The following ROBO2 variants were observed in gnomAD, a reference collection of about 807,000 sequenced individuals.
ROBO2 encodes roundabout homolog 2.
In ROBO2, 53 loss-of-function variants were observed where a neutral mutation model predicts 160.8. The ratio of observed to expected loss-of-function variants is 0.33; its 90% CI spans 0.26 to 0.41. The LOEUF (loss-of-function observed/expected upper bound fraction) is 0.41. ROBO2 is among the 10% of genes least tolerant of loss of function. The pLI is 1.00. For missense variants in ROBO2, 1,577 were observed against 1,722.4 expected (o/e 0.92, Z 1.49); for synonymous variants, 664 against 611.7 (o/e 1.09, Z -1.26).
chr3:76,201,377 T>C (rs1702519283), intron 2 of ROBO2, among the ~76,000 whole-genome samples: 1 of 152,174 alleles, frequency 6.6e-6, no homozygotes, highest in Admixed American at 6.5e-5. Context: ...TTGAACTCCA[T>C]TGCATTACAT....
Position 76,141,076 on chromosome 3 carries a change from T to TAA in ROBO2, c.109+203477_109+203478dup, listed in dbSNP as rs201283156. 3.6e-4 allele frequency among the ~76,000 whole-genome samples: 41 copies of TAA among 114,128 alleles called. 2 individuals carry two copies. In the Middle Eastern group the frequency reaches 0.013, roughly 35 times the overall value. The allele number at this position is 114,128 out of a possible 152,430, so 74.9% of individuals were successfully genotyped here. Reference sequence around the variant, plus strand: ...TTTTACATACATATATATATATATATAAAATATATGTGCCTGGGTTTATAG... The same window carrying TAA: ...TTTTACATACATATATATATATATATAAAAAATATATGTGCCTGGGTTTATAG... On this transcript the variant is annotated intron_variant, in intron 2 of 26. Coordinates refer to the ROBO2 transcript ENST00000487694.
At chr3:76,032,179 A>G (rs2066944963) in intron 2 of ROBO2, among the ~76,000 whole-genome samples, 1 of 152,024 alleles carries the variant, frequency 6.6e-6, no homozygotes, top group Non-Finnish European at 1.5e-5. Context: ...GGTAGTTTGT[A>G]TTTCTGTGGG....
exon 23 of ROBO2, chr3:77,622,316 A>G: frequency 6.2e-7 from 1 of 1,614,082 alleles, no homozygotes; most frequent in Non-Finnish European, 8.5e-7. Context: ...TTGGAAACGG[A>G]TGTTGCAGAT....
intron 2 of ROBO2, among the ~76,000 whole-genome samples, chr3:76,113,659 G>A (rs2070339305): frequency 6.6e-6 from 1 of 152,082 alleles, no homozygotes; most frequent in African/African-American, 2.4e-5. Flanking sequence ...ACCTATCTGT[G>A]GTAGCTGCCC....
At chr3:76,076,799 C>T (rs995354386) in intron 2 of ROBO2, among the ~76,000 whole-genome samples, 12 of 152,302 alleles carry the variant, frequency 7.9e-5, no homozygotes, top group African/African-American at 2.9e-4. Flanking sequence ...ATTACCGCAT[C>T]AAGATGAGCA....
At chr3:77,062,509 G>C (rs987016427) in intron 1 of ROBO2, among the ~76,000 whole-genome samples, 3 of 152,168 alleles carry the variant, frequency 2.0e-5, no homozygotes, top group African/African-American at 7.2e-5. Flanking sequence ...TAGGAAGAAG[G>C]AGTGAGCAGA....
intron 2 of ROBO2, among the ~76,000 whole-genome samples, chr3:77,431,419 ATG>A (rs2078759196): frequency 6.6e-6 from 1 of 152,248 alleles, no homozygotes; most frequent in Non-Finnish European, 1.5e-5. Flanking sequence ...AACATTTTAT[ATG>A]CTCTACAGGA....
intron 2 of ROBO2, among the ~76,000 whole-genome samples, chr3:77,099,387 C>T (rs562506738): frequency 6.6e-6 from 1 of 152,166 alleles, no homozygotes; most frequent in South Asian, 2.1e-4. Context: ...ACAGTTTGTG[C>T]TAAGAAACCT....
intron 2 of ROBO2, among the ~76,000 whole-genome samples, chr3:75,987,990 GT>G (rs35480220): frequency 6.6e-6 from 1 of 151,600 alleles, no homozygotes; most frequent in African/African-American, 2.4e-5. Flanking sequence ...GTGTTTTCTT[GT>G]TTTTTTGTTT....
In ROBO2 at chr3:76,384,600, G is replaced by A. The variant is rs138179886; in HGVS notation, c.109+446998G>A. Among the ~76,000 whole-genome samples, 341 of 152,274 alleles carry A rather than the reference G, an allele frequency of 2.2e-3. 1 individual carries two copies. The highest frequency in any genetic ancestry group is 7.8e-3 in the African/African-American group (326 of 41,552). ...ACTGGGTAATTTATAAAGGAAAGAG[G>A]TTTAACTGACTCACAGTTCCACAGG... On this transcript the variant is annotated intron_variant, in intron 2 of 26. Coordinates refer to the ROBO2 transcript ENST00000487694.
At chr3:76,563,770 A>C (rs1240817277) in intron 2 of ROBO2, among the ~76,000 whole-genome samples, 1 of 152,214 alleles carries the variant, frequency 6.6e-6, no homozygotes, top group Non-Finnish European at 1.5e-5. Context: ...ATGTTATCAT[A>C]ATAAGAAAGT....
chr3:76,927,884 G>A (rs2077082624), intron 2 of ROBO2, among the ~76,000 whole-genome samples: 1 of 152,012 alleles, frequency 6.6e-6, no homozygotes, highest in Admixed American at 6.6e-5. Flanking sequence ...TGGAGGGAGA[G>A]GATGACATAT....
chr3:75,936,623 TATC>T (rs145746194), intron 1 of ROBO2, among the ~76,000 whole-genome samples: 1 of 152,136 alleles, frequency 6.6e-6, no homozygotes, highest in Non-Finnish European at 1.5e-5. Context: ...GTTTTGAACT[TATC>T]ATTATTCAAT....
chr3:77,226,610 A>G (rs1010016324), intron 2 of ROBO2, among the ~76,000 whole-genome samples: 4 of 152,108 alleles, frequency 2.6e-5, no homozygotes, highest in African/African-American at 9.7e-5. Flanking sequence ...GCCTTGACTT[A>G]TGATGGGGTT....
At chr3:77,530,068 T>C (rs1373753713) in intron 6 of ROBO2, among the ~76,000 whole-genome samples, 1 of 151,964 alleles carries the variant, frequency 6.6e-6, no homozygotes, top group African/African-American at 2.4e-5. Context: ...TTATTATTTA[T>C]ATTTGTTAAT....
chr3:77,296,498 T>C (rs1372198168), intron 2 of ROBO2, among the ~76,000 whole-genome samples: 2 of 152,152 alleles, frequency 1.3e-5, no homozygotes, highest in Admixed American at 6.6e-5. Flanking sequence ...GGTTTTTTGT[T>C]TGTCTTGTTT....
chr3:76,090,685 T>A (rs535136325), intron 2 of ROBO2, among the ~76,000 whole-genome samples: 1 of 152,274 alleles, frequency 6.6e-6, no homozygotes, highest in Admixed American at 6.5e-5. Flanking sequence ...CTATCAAACT[T>A]TGACTTACTC....
At chr3:77,463,014 C>G (rs1392603952) in intron 2 of ROBO2, among the ~76,000 whole-genome samples, 1 of 152,174 alleles carries the variant, frequency 6.6e-6, no homozygotes, top group South Asian at 2.1e-4. Context: ...TTCATACTTT[C>G]ATCTTTCAGT....
chr3:75,934,374 G>A (rs1180175607), intron 1 of ROBO2, among the ~76,000 whole-genome samples: 2 of 152,164 alleles, frequency 1.3e-5, no homozygotes, highest in East Asian at 1.9e-4. Flanking sequence ...TCATATGCAC[G>A]AAAAGGGTGT....
Sources: gnomAD v4.1 joint callset for allele counts (sites outside exome capture counted in the v4.1 genomes callset) on GRCh38, gnomAD v4.1.1 for gene constraint, MANE v1.5 for transcripts, NCBI Gene and HGNC (gene_info 2026-07-23, HGNC 2026-07-21) for gene names.